The following GAREM1 variants were observed in gnomAD, a reference collection of about 807,000 sequenced individuals.
GAREM1 encodes GRB2-associated and regulator of MAPK protein 1.
Under a neutral mutation model 71.3 loss-of-function variants are expected in GAREM1, and 26 were observed. The ratio of observed to expected loss-of-function variants is 0.36; its 90% confidence interval spans 0.27 to 0.51. The LOEUF is 0.51. Ranked by LOEUF, GAREM1 falls within the 20% of genes least tolerant of loss-of-function variation. The probability of loss-of-function intolerance (pLI) is 0.95; values close to 1 mark genes in which losing one functional copy is unlikely to be tolerated. For missense variants in GAREM1, 1,026 were observed against 1,103.1 expected (o/e 0.93, Z 0.99); for synonymous variants, 440 against 433.2 (o/e 1.02, Z -0.20).
intron 1 of GAREM1, among the ~76,000 whole-genome samples, chr18:32,407,972 T>C (rs1335310656): frequency 6.6e-6 from 1 of 151,432 alleles, no homozygotes; most frequent in African/African-American, 2.4e-5. Flanking sequence ...TAGAGTTTTG[T>C]CTTTTTTTTT....
At chr18:32,385,718 T>C (rs900155016) in intron 2 of GAREM1, among the ~76,000 whole-genome samples, 14 of 152,172 alleles carry the variant, frequency 9.2e-5, no homozygotes, top group African/African-American at 1.4e-4. Context: ...AAGTGCCTCC[T>C]AGCACTTTCC....
intron 1 of GAREM1, among the ~76,000 whole-genome samples, chr18:32,452,552 T>C (rs1431123796): frequency 2.0e-5 from 3 of 152,206 alleles, no homozygotes; most frequent in Non-Finnish European, 2.9e-5. Flanking sequence ...CAACATTAAC[T>C]GGCCTCTGGG....
At chr18:32,324,087 T>C (rs1181488475) in intron 2 of GAREM1, among the ~76,000 whole-genome samples, 1 of 152,100 alleles carries the variant, frequency 6.6e-6, no homozygotes, top group Non-Finnish European at 1.5e-5. Flanking sequence ...AAGATTGACA[T>C]ATGCAACACA....
chr18:32,330,834 A>G (rs2047526662), intron 2 of GAREM1, among the ~76,000 whole-genome samples: 1 of 152,170 alleles, frequency 6.6e-6, no homozygotes, highest in South Asian at 2.1e-4. Flanking sequence ...AGAAGGTGAG[A>G]AAAGGGAAGG....
intron 1 of GAREM1, among the ~76,000 whole-genome samples, chr18:32,448,986 T>A (rs2048808656): frequency 6.6e-6 from 1 of 152,168 alleles, no homozygotes; most frequent in Admixed American, 6.6e-5. Context: ...GACAGAAGAC[T>A]CTCTCATTTT....
At chr18:32,365,245 G>C (rs1425006209) in intron 2 of GAREM1, among the ~76,000 whole-genome samples, 2 of 151,976 alleles carry the variant, frequency 1.3e-5, no homozygotes, top group Non-Finnish European at 2.9e-5. Context: ...ATTTTTGTTG[G>C]GAAACAATAA....
intron 1 of GAREM1, among the ~76,000 whole-genome samples, chr18:32,468,359 T>A (rs2049017651): frequency 6.6e-6 from 1 of 152,210 alleles, no homozygotes. Context: ...AATATTTAAA[T>A]GAGATGGGAT....
chr18:32,309,846 T>C (rs1170775675), intron 3 of GAREM1, among the ~76,000 whole-genome samples: 1 of 152,158 alleles, frequency 6.6e-6, no homozygotes, highest in East Asian at 1.9e-4. Flanking sequence ...TATTATTTAG[T>C]TTCATCATAT....
At chr18:32,378,430 G>C (rs978449085) in intron 2 of GAREM1, among the ~76,000 whole-genome samples, 2 of 151,610 alleles carry the variant, frequency 1.3e-5, no homozygotes, top group Admixed American at 6.6e-5. Flanking sequence ...AACCTGGGAG[G>C]GGGAGGTTGC....
chr18:32,300,678 G>A (rs113291304), intron 3 of GAREM1, among the ~76,000 whole-genome samples: 5,513 of 152,156 alleles, frequency 0.036, 153 homozygotes, highest in East Asian at 0.076. Flanking sequence ...AGGCCGAGGC[G>A]GGCAAATCGC....
chr18:32,459,169 T>A (rs552696227), intron 1 of GAREM1, among the ~76,000 whole-genome samples: 1 of 152,290 alleles, frequency 6.6e-6, no homozygotes, highest in African/African-American at 2.4e-5. Flanking sequence ...CATTTATAAA[T>A]GTATTTTTGA....
chr18:32,354,977 G>A (rs138438385), intron 2 of GAREM1, among the ~76,000 whole-genome samples: 2 of 152,126 alleles, frequency 1.3e-5, no homozygotes, highest in African/African-American at 4.8e-5. Context: ...AGAAATGAGT[G>A]AGGAGGAGAG....
rs2041349375 is a variant in GAREM1 at position 32,264,687 on chromosome 18, A to G, written c.*3184T>C. 6.6e-6 allele frequency: 1 copy of G among 152,252 alleles called. No individual in the cohort carries two copies. Among genetic ancestry groups the G allele is most frequent in the Admixed American group, 6.5e-5 (1 of 15,288 alleles). 9.4% of individuals were successfully genotyped at this position (152,252 alleles called of 1,614,324 possible). The stretch of plus-strand genomic sequence containing the variant: ...ATGTGGGTTGAAAGAATGTAAGTAA[A>G]TTTCACAGTTCATAAAGTTGAGCAG... On this transcript the variant is annotated 3_prime_UTR_variant, in exon 6 of 6. Coordinates refer to ENST00000269209, the MANE Select transcript of GAREM1 (RefSeq NM_001242409.2).
intron 2 of GAREM1, among the ~76,000 whole-genome samples, chr18:32,383,553 T>C (rs1333322543): frequency 1.3e-5 from 2 of 152,210 alleles, no homozygotes; most frequent in African/African-American, 4.8e-5. Context: ...ACAAATCCAA[T>C]ATGGAAATCA....
At chr18:32,397,631 A>C (rs2048270681) in intron 1 of GAREM1, among the ~76,000 whole-genome samples, 1 of 152,236 alleles carries the variant, frequency 6.6e-6, no homozygotes, top group South Asian at 2.1e-4. Context: ...CACCCAATAC[A>C]GGAGCACTCA....
At chr18:32,315,320 C>T (rs1373487255) in intron 2 of GAREM1, among the ~76,000 whole-genome samples, 2 of 150,904 alleles carry the variant, frequency 1.3e-5, no homozygotes, top group East Asian at 3.9e-4. Flanking sequence ...TTTCTAGTAG[C>T]CACATTTAAA....
intron 3 of GAREM1, among the ~76,000 whole-genome samples, chr18:32,304,547 T>C (rs976768195): frequency 6.6e-6 from 1 of 152,220 alleles, no homozygotes; most frequent in African/African-American, 2.4e-5. Flanking sequence ...AAAGCAGCCA[T>C]AGATAATACA....
chr18:32,404,066 AT>A (rs1286438349), intron 1 of GAREM1, among the ~76,000 whole-genome samples: 10 of 151,804 alleles, frequency 6.6e-5, no homozygotes, highest in Non-Finnish European at 8.8e-5. Flanking sequence ...ATTGAATCTT[AT>A]TTTTTTTATG....
chr18:32,435,091 C>T (rs992239999), intron 1 of GAREM1, among the ~76,000 whole-genome samples: 1 of 151,968 alleles, frequency 6.6e-6, no homozygotes, highest in East Asian at 1.9e-4. Flanking sequence ...AAACATTGAA[C>T]AAATCCAAAC....
Sources: gnomAD v4.1 joint callset for allele counts (sites outside exome capture counted in the v4.1 genomes callset) on GRCh38, gnomAD v4.1.1 for gene constraint, MANE v1.5 for transcripts, NCBI Gene and HGNC (gene_info 2026-07-23, HGNC 2026-07-21) for gene names.